The following CCL28 variants were observed in gnomAD, a reference collection of about 807,000 sequenced individuals.
The protein encoded by CCL28 is C-C motif chemokine ligand 28.
Under a neutral mutation model 7.1 loss-of-function variants are expected in CCL28, and 4 were observed. The ratio of observed to expected loss-of-function variants is 0.56; its 90% CI spans 0.28 to 1.29. The LOEUF is 1.29. Among genes scored for constraint, CCL28 ranks in the 50% most tolerant of loss-of-function variants. CCL28 has a pLI of 0.11. For synonymous variants in CCL28, 55 were observed against 57.8 expected (o/e 0.95, Z 0.22); for missense variants, 151 against 163.4 (o/e 0.92, Z 0.41).
At chr5:43,376,904 G>A (rs907969467), downstream of CCL28, 2 of 152,142 alleles carry the variant, frequency 1.3e-5, no homozygotes, top group Admixed American at 6.5e-5. Flanking sequence ...AGAATGTCTC[G>A]AAGGGAAAAC....
chr5:43,385,981 T>C (rs1047395547), intron 2 of CCL28, among the ~76,000 whole-genome samples: 5 of 152,182 alleles, frequency 3.3e-5, no homozygotes, highest in African/African-American at 1.2e-4. Flanking sequence ...CAGAATCTCT[T>C]ATACACCCAC....
intron 2 of CCL28, among the ~76,000 whole-genome samples, chr5:43,384,466 A>G (rs963429862): frequency 7.2e-5 from 11 of 152,156 alleles, no homozygotes; most frequent in African/African-American, 2.7e-4. Flanking sequence ...GATCCCATGT[A>G]TTTTCCACCA....
intron 1 of CCL28, chr5:43,397,313 C>G (rs1740853804): frequency 7.2e-6 from 1 of 139,532 alleles, no homozygotes; most frequent in African/African-American, 2.8e-5. Context: ...TGCACGCATT[C>G]CCTAACCCTT....
intron 1 of CCL28, among the ~76,000 whole-genome samples, chr5:43,398,849 C>A (rs368643385): frequency 6.6e-6 from 1 of 150,594 alleles, no homozygotes. Flanking sequence ...GACTCCATCT[C>A]AAAAAAAAAG....
At chr5:43,373,461 C>T (rs377349899), downstream of CCL28, among the ~76,000 whole-genome samples, 30 of 152,102 alleles carry the variant, frequency 2.0e-4, no homozygotes, top group South Asian at 4.2e-4. Flanking sequence ...CCACCACGCC[C>T]GGCTAATTTT....
downstream of CCL28, among the ~76,000 whole-genome samples, chr5:43,372,597 G>C (rs1739805029): frequency 6.6e-6 from 1 of 151,864 alleles, no homozygotes; most frequent in Non-Finnish European, 1.5e-5. Flanking sequence ...TCAAACTCCT[G>C]ACCTCAACTG....
At chr5:43,360,679 G>A in the CCL28 span, among the ~76,000 whole-genome samples, 2 of 152,044 alleles carry the variant, frequency 1.3e-5, no homozygotes, top group Non-Finnish European at 2.9e-5. Flanking sequence ...CTAATGATTA[G>A]TGATATTAAG....
At chr5:43,405,293 C>G (rs1741225710) in intron 1 of CCL28, among the ~76,000 whole-genome samples, 1 of 152,220 alleles carries the variant, frequency 6.6e-6, no homozygotes, top group South Asian at 2.1e-4. Context: ...TTATAACAAA[C>G]TGTCTCTCAG....
rs181463827 is a variant in CCL28 at position 43,393,647 on chromosome 5, G to A, written c.65-5171C>T. Among the ~76,000 whole-genome samples, 22 of 152,226 alleles carry A rather than the reference G, an allele frequency of 1.4e-4. No individual in the cohort carries two copies. The East Asian group carries it at 3.1e-3, about 21-fold the overall frequency. ...TGGGATTACAGGCGTGAGCCACCGCGCCCGGCCTCCTTTCCTCCATTCTTA... is the reference window on the plus strand; with the variant it reads ...TGGGATTACAGGCGTGAGCCACCGCACCCGGCCTCCTTTCCTCCATTCTTA... On this transcript the variant is annotated intron_variant, in intron 1 of 2. Coordinates refer to ENST00000361115, the MANE Select transcript of CCL28 (RefSeq NM_148672.3).
In CCL28 at chr5:43,405,274, G is replaced by T. The variant is rs1309746666; in HGVS notation, c.64+6979C>A. On this transcript the variant is annotated intron_variant, in intron 1 of 2. Transcript: ENST00000361115. The stretch of plus-strand genomic sequence containing the variant: ...AAAGCACTGCTCTGCAAATGTAAAA[G>T]AACAGAAATTATAACAAACTGTCTC... Among the ~76,000 whole-genome samples, 4 of 152,294 alleles carry T rather than the reference G, an allele frequency of 2.6e-5. No homozygotes were observed. The East Asian group carries it at 5.8e-4, about 22-fold the overall frequency.
chr5:43,390,099 G>T (rs1341566402), intron 1 of CCL28, among the ~76,000 whole-genome samples: 1 of 152,204 alleles, frequency 6.6e-6, no homozygotes, highest in African/African-American at 2.4e-5. Flanking sequence ...ATGATTATGT[G>T]ACATTTCTTC....
intron 1 of CCL28, among the ~76,000 whole-genome samples, chr5:43,406,476 T>A (rs10056924): frequency 0.046 from 7,007 of 152,100 alleles, 228 homozygotes; most frequent in East Asian, 0.085. Context: ...CTCAATAAAT[T>A]AGGTATTGAT....
At chr5:43,368,498 C>G in the CCL28 span, among the ~76,000 whole-genome samples, 1 of 152,178 alleles carries the variant, frequency 6.6e-6, no homozygotes, top group Non-Finnish European at 1.5e-5. Flanking sequence ...ACCTCTGAGT[C>G]ATGTACTTTA....
chr5:43,405,484 C>G (rs1046625051), intron 1 of CCL28, among the ~76,000 whole-genome samples: 1 of 152,156 alleles, frequency 6.6e-6, no homozygotes, highest in African/African-American at 2.4e-5. Context: ...ATCTCTGGGA[C>G]ACATTTTAAG....
At chr5:43,389,768 G>C (rs1009521495) in intron 1 of CCL28, among the ~76,000 whole-genome samples, 6 of 152,166 alleles carry the variant, frequency 3.9e-5, no homozygotes, top group African/African-American at 1.4e-4. Context: ...CTATAAAAAG[G>C]CAAGAAGCAG....
chr5:43,382,996 A>G (rs1252228151), intron 2 of CCL28, among the ~76,000 whole-genome samples: 1 of 151,636 alleles, frequency 6.6e-6, no homozygotes, highest in East Asian at 1.9e-4. Context: ...TTTTTGTATT[A>G]TTAGTAGAGA....
chr5:43,364,535 T>C, the CCL28 span, among the ~76,000 whole-genome samples: 1 of 152,156 alleles, frequency 6.6e-6, no homozygotes, highest in South Asian at 2.1e-4. Context: ...ACAAAGATAA[T>C]AGATTTCTGG....
At position 43,412,290 on chromosome 5, in the gene CCL28, C is replaced by T. The variant is rs146099616; in HGVS notation, c.27G>A (p.Val9=). 6.2e-7 allele frequency: 1 copy of T among 1,613,068 alleles called. No homozygotes were observed. Among genetic ancestry groups the T allele is most frequent in the Non-Finnish European group, 8.5e-7 (1 of 1,179,512 alleles). Reference sequence around the variant, plus strand: ...GTAGGGCCGCACAGACAGCCAAGGCCACGATGGCGAGTCCTCTCTGCTGCA... The same window carrying T: ...GTAGGGCCGCACAGACAGCCAAGGCTACGATGGCGAGTCCTCTCTGCTGCA... MQQRGLAI[V]ALAVCAALHA... The change falls in exon 1 of 3, where the codon GTG becomes GTA. Residue 9 remains valine (V), a synonymous_variant. Coordinates refer to ENST00000361115, the MANE Select transcript of CCL28 (RefSeq NM_148672.3).
At chr5:43,360,689 G>A in the CCL28 span, among the ~76,000 whole-genome samples, 1 of 151,976 alleles carries the variant, frequency 6.6e-6, no homozygotes, top group South Asian at 2.1e-4. Flanking sequence ...GTGATATTAA[G>A]CTTTTTTTCA....
Sources: allele counts gnomAD v4.1 joint callset (sites outside exome capture counted in the v4.1 genomes callset), GRCh38; gene constraint gnomAD v4.1.1; transcripts MANE v1.5; gene names NCBI Gene and HGNC (gene_info 2026-07-23, HGNC 2026-07-21).